Variants in AKR1B15 observed in about 807,000 individuals in gnomAD.
AKR1B15 encodes estradiol 17-beta-dehydrogenase AKR1B15.
A neutral mutation model predicts 38.5 loss-of-function variants in AKR1B15; 49 were observed. The ratio of observed to expected loss-of-function variants is 1.27; its 90% CI spans 1.01 to 1.62. The LOEUF is 1.62. Ranked by LOEUF, AKR1B15 falls within the 40% of genes most tolerant of loss-of-function variation. The pLI is 0.00. For missense variants in AKR1B15, 411 were observed against 381.6 expected, an observed-to-expected ratio of 1.08 and a Z score of -0.64; for synonymous variants, 137 against 135.5, an observed-to-expected ratio of 1.01 and a Z score of -0.08.
At chr7:134,569,322 A>T in intron 4 of AKR1B15, 91 bp from the exon 5 acceptor site, 1 of 1,472,840 alleles carries the variant, frequency 6.8e-7, no homozygotes. Flanking sequence ...GCCAGGTTAG[A>T]TGAGGATGCA....
intron 1 of AKR1B15, among the ~76,000 whole-genome samples, chr7:134,549,726 C>T (rs141383277): frequency 0.011 from 1,616 of 152,248 alleles, 17 homozygotes; most frequent in Middle Eastern, 0.027. Context: ...GATCCCATCA[C>T]GGGACCCCCT....
intron 6 of AKR1B15, among the ~76,000 whole-genome samples, chr7:134,573,772 C>T (rs1257106964): frequency 6.6e-6 from 1 of 152,168 alleles, no homozygotes; most frequent in African/African-American, 2.4e-5. Context: ...ATAACTTAAT[C>T]TATGCTAGTG....
At chr7:134,560,121 A>G (rs1383015842) in intron 2 of AKR1B15, among the ~76,000 whole-genome samples, 1 of 149,268 alleles carries the variant, frequency 6.7e-6, no homozygotes, top group African/African-American at 2.5e-5. Flanking sequence ...AAAAAAAAAA[A>G]CTATTAGCGA....
At chr7:134,575,014 C>G (rs1433045653) in intron 6 of AKR1B15, among the ~76,000 whole-genome samples, 1 of 152,222 alleles carries the variant, frequency 6.6e-6, no homozygotes, top group Non-Finnish European at 1.5e-5. Flanking sequence ...AATGTACACA[C>G]ACAACAGTAG....
chr7:134,551,125 G>A (rs1161563613), intron 1 of AKR1B15, among the ~76,000 whole-genome samples: 1 of 152,144 alleles, frequency 6.6e-6, no homozygotes, highest in Non-Finnish European at 1.5e-5. Flanking sequence ...TCCTTCTGAA[G>A]AAGAGGAAAG....
chr7:134,572,973 G>T (rs1794696324), intron 6 of AKR1B15, among the ~76,000 whole-genome samples: 2 of 152,152 alleles, frequency 1.3e-5, no homozygotes, highest in African/African-American at 4.8e-5. Context: ...GAATTGACAT[G>T]ATTCAATTAA....
chr7:134,555,909 CT>C (rs1195766892), intron 1 of AKR1B15, among the ~76,000 whole-genome samples: 1 of 152,134 alleles, frequency 6.6e-6, no homozygotes, highest in African/African-American at 2.4e-5. Context: ...TGTGTGTAAC[CT>C]TGGCCACTTA....
At chr7:134,572,287 ATCT>A (rs1794684005) in intron 6 of AKR1B15, among the ~76,000 whole-genome samples, 1 of 152,186 alleles carries the variant, frequency 6.6e-6, no homozygotes, top group Non-Finnish European at 1.5e-5. Context: ...ACCCAGACTC[ATCT>A]GAATTGCAAG....
At chr7:134,560,493 C>T (rs1794352873) in intron 2 of AKR1B15, among the ~76,000 whole-genome samples, 1 of 152,126 alleles carries the variant, frequency 6.6e-6, no homozygotes, top group African/African-American at 2.4e-5. Flanking sequence ...CTGTAATAAC[C>T]AGTTGGGTTG....
intron 2 of AKR1B15, among the ~76,000 whole-genome samples, chr7:134,562,832 C>CTCTTTCTTTCTTTT (rs1794436922): frequency 8.2e-6 from 1 of 122,600 alleles, no homozygotes; most frequent in East Asian, 2.6e-4. Flanking sequence ...TCCTTCCTTT[C>CTCTTTCTTTCTTTT]TCTTTCTTTC....
At position 134,579,739 on chromosome 7, in the gene AKR1B15, G is replaced by A. The variant is rs1430584256; in HGVS notation, c.*190G>A. On this transcript the variant is annotated 3_prime_UTR_variant, in exon 12 of 12. Transcript: ENST00000457545. ...GTTCAACTAGGATAAGAATATCACA[G>A]AAAAGCATGGCCTGAATAAGCAAAT... is the stretch of plus-strand genomic sequence containing the variant. 2 of 517,540 alleles carry A rather than the reference G, an allele frequency of 3.9e-6. No individual in the cohort carries two copies. The highest frequency in any genetic ancestry group is 4.0e-5 in the African/African-American group (2 of 50,370). 32.1% of individuals were successfully genotyped at this position (517,540 alleles called of 1,614,324 possible). A position where few individuals can be genotyped will look rare whatever the true frequency, so the allele number is the denominator to read the frequency against.
chr7:134,557,330 C>T (rs1034236655), intron 2 of AKR1B15, among the ~76,000 whole-genome samples: 7 of 152,236 alleles, frequency 4.6e-5, no homozygotes, highest in South Asian at 2.1e-4. Context: ...CTTGTTATAA[C>T]CGAGGAATCA....
intron 2 of AKR1B15, among the ~76,000 whole-genome samples, chr7:134,562,830 T>TCC (rs1794435866): frequency 1.5e-5 from 2 of 133,320 alleles, no homozygotes; most frequent in South Asian, 2.7e-4. Context: ...CTTCCTTCCT[T>TCC]TCTCTTTCTT....
intron 2 of AKR1B15, among the ~76,000 whole-genome samples, chr7:134,561,061 A>AC (rs2117635388): frequency 6.6e-6 from 1 of 151,964 alleles, no homozygotes; most frequent in Non-Finnish European, 1.5e-5. Flanking sequence ...TCTTTTAGGG[A>AC]CCTCTCTCTG....
intron 3 of AKR1B15, among the ~76,000 whole-genome samples, chr7:134,566,735 C>T (rs900814642): frequency 1.7e-4 from 26 of 152,252 alleles, no homozygotes; most frequent in African/African-American, 5.3e-4. Flanking sequence ...TTTTCCCTCT[C>T]CTGTGCCGAG....
In AKR1B15 at chr7:134,568,276, A is replaced by G; in HGVS notation, c.269A>G (p.Lys90Arg). Residue 90 changes from lysine to arginine, a missense_variant, in exon 4 of 12, where the codon AAG becomes AGG. Transcript: ENST00000457545. ...GAGGTGGGAGAAGCCATCCAAGAGA[A>G]GATCCAAGAGAAGGCTGTGATGCGG... ...QHEVGEAIQE[K>R]IQEKAVMRED... is the part of the protein sequence containing the mutation. The G allele has an allele frequency of 6.2e-7, 1 of 1,614,136 alleles. No homozygotes were observed.
intron 3 of AKR1B15, among the ~76,000 whole-genome samples, chr7:134,565,896 G>A (rs1330027129): frequency 2.0e-5 from 3 of 152,126 alleles, no homozygotes; most frequent in African/African-American, 7.2e-5. Context: ...TGTGGGCTGG[G>A]TGGTTGTGGA....
At chr7:134,552,814 C>T (rs757037903) in intron 1 of AKR1B15, among the ~76,000 whole-genome samples, 5 of 152,092 alleles carry the variant, frequency 3.3e-5, no homozygotes, top group Admixed American at 6.5e-5. Context: ...TCGGTAGACA[C>T]CACCCAATTA....
intron 2 of AKR1B15, among the ~76,000 whole-genome samples, chr7:134,557,380 C>T (rs1794235530): frequency 6.6e-6 from 1 of 152,064 alleles, no homozygotes; most frequent in African/African-American, 2.4e-5. Flanking sequence ...AAATGTGATA[C>T]CCTAACTTCT....
Sources: gnomAD v4.1 joint callset for allele counts (sites outside exome capture counted in the v4.1 genomes callset) on GRCh38, gnomAD v4.1.1 for gene constraint, MANE v1.5 for transcripts, NCBI Gene and HGNC (gene_info 2026-07-23, HGNC 2026-07-21) for gene names.